The following STXBP5L variants were observed in gnomAD, a reference collection of about 807,000 sequenced individuals.
The protein encoded by STXBP5L is syntaxin binding protein 5L, also known as syntaxin-binding protein 5-like.
STXBP5L carries 65 observed loss-of-function variants against 144.5 expected under a neutral mutation model. That is an observed-to-expected ratio of 0.45 (90% CI 0.37 to 0.55). STXBP5L has a LOEUF of 0.55. Ranked by LOEUF, STXBP5L falls within the 20% of genes least tolerant of loss-of-function variation. The probability of loss-of-function intolerance (pLI) is 0.00; values close to 1 mark genes in which losing one functional copy is unlikely to be tolerated. For synonymous variants in STXBP5L, 505 were observed against 469.6 expected (o/e 1.08, Z -0.97); for missense variants, 1,298 against 1,405.5 (o/e 0.92, Z 1.22).
intron 9 of STXBP5L, among the ~76,000 whole-genome samples, chr3:121,164,907 T>C (rs908528535): frequency 3.9e-5 from 6 of 152,050 alleles, no homozygotes; most frequent in Admixed American, 3.3e-4. Context: ...AACAGGGAGA[T>C]GTAGGTCAGA....
chr3:121,237,785 G>A (rs985702352), intron 12 of STXBP5L, among the ~76,000 whole-genome samples: 10 of 152,046 alleles, frequency 6.6e-5, no homozygotes, highest in Non-Finnish European at 1.3e-4. Flanking sequence ...CTAGGTCATC[G>A]CTCTTAAGAT....
intron 9 of STXBP5L, among the ~76,000 whole-genome samples, chr3:121,194,544 T>C (rs553288916): frequency 1.4e-4 from 21 of 152,018 alleles, no homozygotes; most frequent in Non-Finnish European, 1.8e-4. Flanking sequence ...GTTTAACATT[T>C]AGAGGACATA....
At chr3:121,396,975 A>T (rs534409394) in intron 22 of STXBP5L, among the ~76,000 whole-genome samples, 1 of 152,398 alleles carries the variant, frequency 6.6e-6, no homozygotes, top group African/African-American at 2.4e-5. Flanking sequence ...CAGAAATCAC[A>T]TTAATAGGCA....
intron 5 of STXBP5L, among the ~76,000 whole-genome samples, chr3:121,095,336 C>G (rs575387939): frequency 2.0e-5 from 3 of 152,188 alleles, no homozygotes; most frequent in East Asian, 1.9e-4. Context: ...TTGGCCTGTC[C>G]TTCTAGGTTG....
intron 20 of STXBP5L, among the ~76,000 whole-genome samples, chr3:121,351,342 G>C (rs370624701): frequency 6.6e-6 from 1 of 152,114 alleles, no homozygotes; most frequent in Admixed American, 6.5e-5. Context: ...AGGAGTACCC[G>C]GCCGTGTCAG....
At chr3:121,223,539 T>C (rs2049034034) in intron 11 of STXBP5L, among the ~76,000 whole-genome samples, 1 of 152,132 alleles carries the variant, frequency 6.6e-6, no homozygotes, top group African/African-American at 2.4e-5. Flanking sequence ...TTACCTGATA[T>C]CAGTAATCTG....
At chr3:121,333,558 A>AC (rs571235622) in intron 20 of STXBP5L, among the ~76,000 whole-genome samples, 78 of 143,198 alleles carry the variant, frequency 5.4e-4, no homozygotes, top group South Asian at 4.9e-3. Context: ...CACACACACA[A>AC]AAAAAAAACA....
rs577564627 is a variant in STXBP5L, at chr3:120,997,989, T to A, written c.287+42952T>A. ...AGAGCTAAAGACAAAAACCACATGA[T>A]CATCTCAATAGTTGCAGATAAAGCT... On this transcript the variant is annotated intron_variant, in intron 3 of 26. Transcript: ENST00000471454. Among the ~76,000 whole-genome samples the A allele has an allele frequency of 3.3e-5, 5 of 152,304 alleles. No individual in the cohort carries two copies. In the East Asian group the frequency reaches 9.6e-4, roughly 29 times the overall value.
intron 3 of STXBP5L, among the ~76,000 whole-genome samples, chr3:120,975,422 A>T (rs1401206773): frequency 6.6e-6 from 1 of 152,218 alleles, no homozygotes; most frequent in African/African-American, 2.4e-5. Context: ...GAAGTTGCTT[A>T]TCAGCTTAAG....
chr3:121,011,752 A>G (rs1045767018), intron 3 of STXBP5L, among the ~76,000 whole-genome samples: 1 of 151,352 alleles, frequency 6.6e-6, no homozygotes, highest in Non-Finnish European at 1.5e-5. Flanking sequence ...CTTATAATGA[A>G]TTTGTTATAT....
intron 3 of STXBP5L, among the ~76,000 whole-genome samples, chr3:120,964,979 C>A (rs1273349169): frequency 6.6e-6 from 1 of 152,098 alleles, no homozygotes; most frequent in Admixed American, 6.6e-5. Flanking sequence ...TATATATTTA[C>A]AGTAGTTAGC....
At chr3:120,986,070 T>C (rs1307728633) in intron 3 of STXBP5L, among the ~76,000 whole-genome samples, 1 of 152,024 alleles carries the variant, frequency 6.6e-6, no homozygotes, top group Non-Finnish European at 1.5e-5. Context: ...TTTTGCTGCA[T>C]CCCACGAGTT....
At chr3:121,023,122 T>G (rs1212616504) in intron 3 of STXBP5L, among the ~76,000 whole-genome samples, 1 of 151,604 alleles carries the variant, frequency 6.6e-6, no homozygotes, top group Non-Finnish European at 1.5e-5. Flanking sequence ...AAGTTGAGAA[T>G]GAAATCAAGC....
At chr3:121,054,645 C>T (rs1052010495) in intron 5 of STXBP5L, among the ~76,000 whole-genome samples, 5 of 150,560 alleles carry the variant, frequency 3.3e-5, no homozygotes, top group Admixed American at 6.6e-5. Flanking sequence ...TGGTAAATGA[C>T]GAGTTAATGG....
At chr3:121,306,813 A>G (rs896536051) in intron 19 of STXBP5L, among the ~76,000 whole-genome samples, 1 of 152,186 alleles carries the variant, frequency 6.6e-6, no homozygotes, top group Non-Finnish European at 1.5e-5. Context: ...ACCCCTTATC[A>G]AATTAAATTA....
chr3:121,060,221 G>T (rs1261918599), intron 5 of STXBP5L, among the ~76,000 whole-genome samples: 1 of 151,916 alleles, frequency 6.6e-6, no homozygotes, highest in Admixed American at 6.6e-5. Context: ...CTGCATCTTT[G>T]GAGGTAATCA....
chr3:121,044,263 C>T (rs1379156219), intron 4 of STXBP5L, among the ~76,000 whole-genome samples: 1 of 151,956 alleles, frequency 6.6e-6, no homozygotes, highest in Non-Finnish European at 1.5e-5. Context: ...TTTATAAAGC[C>T]ATTCCTCTCT....
chr3:121,350,565 G>T (rs1430568940), intron 20 of STXBP5L, among the ~76,000 whole-genome samples: 1 of 152,074 alleles, frequency 6.6e-6, no homozygotes. Flanking sequence ...TTCCAACTTG[G>T]TTCCATTCTC....
chr3:121,094,126 G>T (rs1279979441), intron 5 of STXBP5L, among the ~76,000 whole-genome samples: 2 of 152,014 alleles, frequency 1.3e-5, no homozygotes, highest in Non-Finnish European at 2.9e-5. Context: ...ATTGCACTGT[G>T]GTCTGAGAGA....
Sources: gnomAD v4.1 joint callset for allele counts (sites outside exome capture counted in the v4.1 genomes callset) on GRCh38, gnomAD v4.1.1 for gene constraint, MANE v1.5 for transcripts, NCBI Gene and HGNC (gene_info 2026-07-23, HGNC 2026-07-21) for gene names.